Variants in ANKAR observed in about 807,000 individuals in gnomAD.
The protein encoded by ANKAR is ankyrin and armadillo repeat containing, also known as ankyrin and armadillo repeat-containing protein.
A neutral mutation model predicts 146.2 loss-of-function variants in ANKAR; 136 were observed. That is an observed-to-expected ratio of 0.93 (90% CI 0.81 to 1.07). The LOEUF is 1.07. Among genes scored for constraint, ANKAR ranks in the 50% least tolerant of loss-of-function variants. The pLI is 0.00. For synonymous variants in ANKAR, 500 were observed against 575.8 expected, an observed-to-expected ratio of 0.87 and a Z score of 1.88; for missense variants, 1,567 against 1,679.9, an observed-to-expected ratio of 0.93 and a Z score of 1.18.
At position 189,745,967 on chromosome 2, in the gene ANKAR, C is replaced by T. The variant is rs1403699632; in HGVS notation, c.4058-413C>T. Among the ~76,000 whole-genome samples, 3 of 152,068 alleles carry T rather than the reference C, an allele frequency of 2.0e-5. No homozygotes were observed. The South Asian group carries it at 6.2e-4, about 32-fold the overall frequency. ...TTTAACACTGGTTTCTAAACAACAA[C>T]CTGTTTATCAGTCATGATCTGATGA... On this transcript the variant is annotated intron_variant, in intron 22 of 22. Transcript: ENST00000684021.
At chr2:189,745,224 G>C (rs1446835371) in intron 22 of ANKAR, among the ~76,000 whole-genome samples, 1 of 151,258 alleles carries the variant, frequency 6.6e-6, no homozygotes, top group African/African-American at 2.4e-5. Context: ...CCACAAAAAA[G>C]TTTACCTGCA....
intron 22 of ANKAR, among the ~76,000 whole-genome samples, chr2:189,745,234 A>G (rs2043982391): frequency 6.6e-6 from 1 of 151,802 alleles, no homozygotes; most frequent in South Asian, 2.1e-4. Context: ...GTTTACCTGC[A>G]TACTTCTCTT....
In ANKAR at chr2:189,740,318, CA is replaced by C. The variant is rs571391701; in HGVS notation, c.3701-1022del. 1.3e-3 allele frequency among the ~76,000 whole-genome samples: 199 copies of C among 152,270 alleles called. 2 individuals carry two copies. Among genetic ancestry groups the C allele is most frequent in the African/African-American group, 4.7e-3 (195 of 41,544 alleles). On this transcript the variant is annotated intron_variant, in intron 19 of 22. Transcript: ENST00000684021. ...ACTTTAAATAGAGCTTACCTTTAGA[CA>C]ATTTTTGCTTTAGATGATACAACCA...
intron 12 of ANKAR, among the ~76,000 whole-genome samples, chr2:189,724,733 G>A (rs2105809468): frequency 6.6e-6 from 1 of 152,148 alleles, no homozygotes; most frequent in East Asian, 1.9e-4. Context: ...AATTAACCTT[G>A]ATAGTATATG....
chr2:189,693,299 A>T (rs375584276), intron 5 of ANKAR, 122 bp downstream of exon 5: 9 of 635,730 alleles, frequency 1.4e-5, no homozygotes, highest in African/African-American at 9.5e-5. Flanking sequence ...CCACAATAAT[A>T]ACCACCATGA....
At chr2:189,713,028 T>C (rs2039922525) in intron 10 of ANKAR, among the ~76,000 whole-genome samples, 1 of 151,818 alleles carries the variant, frequency 6.6e-6, no homozygotes, top group Non-Finnish European at 1.5e-5. Flanking sequence ...GTATCAGTGA[T>C]TGAAGATCAA....
chr2:189,756,733 T>G (rs772086805), intron 18 of ANKAR, among the ~76,000 whole-genome samples: 9 of 152,168 alleles, frequency 5.9e-5, no homozygotes, highest in Non-Finnish European at 8.8e-5. Flanking sequence ...CCACTCCCAC[T>G]GCCAAGTCTC....
At chr2:189,726,632 CAT>C (rs2041908047) in intron 12 of ANKAR, among the ~76,000 whole-genome samples, 1 of 152,020 alleles carries the variant, frequency 6.6e-6, no homozygotes, top group East Asian at 1.9e-4. Flanking sequence ...ACTAAAGAGA[CAT>C]AACTAAGTGC....
downstream of ANKAR, among the ~76,000 whole-genome samples, chr2:189,748,756 A>C (rs2044584898): frequency 6.6e-6 from 1 of 152,226 alleles, no homozygotes; most frequent in South Asian, 2.1e-4. Context: ...AGATATTTTT[A>C]AAAGCCTTTA....
At chr2:189,733,311 A>T in intron 17 of ANKAR, 82 bp downstream of exon 17, 1 of 1,197,986 alleles carries the variant, frequency 8.3e-7, no homozygotes, top group Non-Finnish European at 1.1e-6. Context: ...AGTCTTCTTC[A>T]TGGCAATATT....
intron 3 of ANKAR, among the ~76,000 whole-genome samples, chr2:189,690,993 G>A (rs2036304183): frequency 6.6e-6 from 1 of 152,024 alleles, no homozygotes; most frequent in Admixed American, 6.6e-5. Flanking sequence ...CCCTTATGTT[G>A]ATTAAACCAT....
intron 18 of ANKAR, chr2:189,752,889 G>T (rs1472265285): frequency 2.5e-6 from 4 of 1,613,918 alleles, no homozygotes; most frequent in Non-Finnish European, 2.5e-6. Flanking sequence ...AGTCTGGGAG[G>T]AGGACACAAC....
intron 7 of ANKAR, among the ~76,000 whole-genome samples, chr2:189,704,544 C>CATATATATATATAT (rs10578902): frequency 2.7e-5 from 1 of 36,458 alleles, no homozygotes; most frequent in Non-Finnish European, 5.7e-5. Flanking sequence ...CCTTTGTTAA[C>CATATATATATATAT]ATATATATAT....
intron 12 of ANKAR, among the ~76,000 whole-genome samples, chr2:189,725,553 CA>C (rs1414498785): frequency 6.6e-6 from 1 of 152,102 alleles, no homozygotes; most frequent in East Asian, 1.9e-4. Context: ...CTATAGGACA[CA>C]AGGACAACCT....
chr2:189,728,357 C>A lies in ANKAR; in HGVS notation c.2968C>A (p.Gln990Lys), dbSNP rs1166886746. Residue 990 changes from glutamine to lysine, a missense_variant, in exon 14 of 23, where the codon CAA becomes AAA. Coordinates refer to ENST00000684021, the MANE Select transcript of ANKAR (RefSeq NM_001378068.1). ...AAAACAACAAAAATATATGGCAGAA[C>A]AAATTGGATACAGCTTTATAATAAA... ...TLKQQKYMAE[Q>K]IGYSFIINML... is the part of the protein sequence containing the mutation. 1 of 1,613,112 alleles carries A rather than the reference C, an allele frequency of 6.2e-7. No homozygotes were observed. The highest frequency in any genetic ancestry group is 1.7e-5 in the Admixed American group (1 of 59,862).
chr2:189,715,153 G>A (rs976828484), intron 10 of ANKAR, among the ~76,000 whole-genome samples: 8 of 151,924 alleles, frequency 5.3e-5, no homozygotes, highest in Non-Finnish European at 1.0e-4. Flanking sequence ...TCCAGGAGCT[G>A]GTTTGTTGAA....
intron 2 of ANKAR, among the ~76,000 whole-genome samples, chr2:189,682,119 G>A (rs2034795695): frequency 6.6e-6 from 1 of 152,002 alleles, no homozygotes; most frequent in Non-Finnish European, 1.5e-5. Flanking sequence ...GTTGGCTCCT[G>A]GCCAATCAAA....
At chr2:189,758,367 G>A (rs1395308427) in intron 18 of ANKAR, among the ~76,000 whole-genome samples, 1 of 151,726 alleles carries the variant, frequency 6.6e-6, no homozygotes, top group Middle Eastern at 3.2e-3. Context: ...GGCAACAAGA[G>A]CAAAACTCCA....
intron 18 of ANKAR, chr2:189,754,892 G>T: frequency 2.7e-6 from 1 of 373,318 alleles, no homozygotes; most frequent in Non-Finnish European, 4.7e-6. Context: ...TACGAAGCAC[G>T]TTCTTTCACA....
Sources: allele counts gnomAD v4.1 joint callset (sites outside exome capture counted in the v4.1 genomes callset), GRCh38; gene constraint gnomAD v4.1.1; transcripts MANE v1.5; gene names NCBI Gene and HGNC (gene_info 2026-07-23, HGNC 2026-07-21).